ACBD5: variants seen among roughly 807,000 people sequenced by gnomAD.
The protein encoded by ACBD5 is acyl-CoA-binding domain-containing protein 5.
Under a neutral mutation model 71.8 loss-of-function variants are expected in ACBD5, and 40 were observed. The observed-to-expected ratio is 0.56, with a 90% confidence interval of 0.43 to 0.72. ACBD5 has a LOEUF of 0.72. Among genes scored for constraint, ACBD5 ranks in the 30% least tolerant of loss-of-function variants. The pLI, the probability that ACBD5 is intolerant of heterozygous loss-of-function variation, is 0.00. For missense variants in ACBD5, 559 were observed against 644.5 expected (o/e 0.87, Z 1.44); for synonymous variants, 229 against 218.6 (o/e 1.05, Z -0.42).
At position 27,223,367 on chromosome 10, in the gene ACBD5, T is replaced by A. The variant is rs2062607297; in HGVS notation, c.461A>T (p.Lys154Met). The change falls in exon 5 of 13, where the codon AAG (lysine) becomes ATG (methionine). Residue 154 changes from lysine (K) to methionine (M), a missense_variant. Transcript: ENST00000396271. ...GPFYEIVEDKKSGRSSDITSD... is the reference protein window; with the variant it reads ...GPFYEIVEDKMSGRSSDITSD... ...GGTTATATCAGAACTCCTGCCACTC[T>A]TTTTGTCCTCGACAATTTCATAAAA... 6.2e-7 allele frequency: 1 copy of A among 1,613,702 alleles called. No individual in the cohort carries two copies. The highest frequency in any genetic ancestry group is 1.3e-5 in the African/African-American group (1 of 74,938).
chr10:27,210,394 T>A (rs2060937198), intron 9 of ACBD5, among the ~76,000 whole-genome samples: 1 of 152,216 alleles, frequency 6.6e-6, no homozygotes, highest in South Asian at 2.1e-4. Flanking sequence ...TATTGTTGTA[T>A]CTAAAGGAGG....
In ACBD5 at chr10:27,218,082, T is replaced by C. The variant is rs374928340; in HGVS notation, c.727A>G (p.Ile243Val). ...CCATTCAGGGAAGAACTGGCATGAA[T>C]GTCATTCTGTATATCCTGAACAAAG... ...DGFVQDIQND[I>V]HASSSLNGRS... Residue 243 changes from isoleucine (I) to valine (V), a missense_variant, in exon 7 of 13, where the codon ATT (isoleucine) becomes GTT (valine). Ile to Val is a conservative substitution (Grantham distance 29). Transcript: ENST00000396271. The C allele has an allele frequency of 1.5e-5, 24 of 1,614,050 alleles. No homozygotes were observed. Among genetic ancestry groups the C allele is most frequent in the Middle Eastern group, 1.6e-4 (1 of 6,084 alleles).
At chr10:27,186,856 TCTC>T (rs2058789863) in intron 13 of ACBD5, 1 of 338,572 alleles carries the variant, frequency 3.0e-6, no homozygotes, top group South Asian at 3.0e-5. Context: ...TGATTTTCTT[TCTC>T]CTCTGATTTC....
chr10:27,196,476 G>A lies in ACBD5; in HGVS notation c.*954C>T, dbSNP rs923531224. The stretch of plus-strand genomic sequence containing the variant: ...AGGTGTATCTAAAATAGTATACCCC[G>A]AAGGAAAAACTGAGGCACTAAGAGG... On this transcript the variant is annotated 3_prime_UTR_variant, in exon 13 of 13. Coordinates refer to ENST00000396271, the MANE Select transcript of ACBD5 (RefSeq NM_145698.5). 23 of 454,296 alleles carry A rather than the reference G, an allele frequency of 5.1e-5. No homozygotes were observed. The highest frequency in any genetic ancestry group is 8.8e-5 in the Non-Finnish European group (20 of 226,770). The allele number at this position is 454,296 out of a possible 1,614,324, so 28.1% of individuals were successfully genotyped here.
At chr10:27,219,116 A>G (rs984775650) in intron 6 of ACBD5, among the ~76,000 whole-genome samples, 1 of 152,038 alleles carries the variant, frequency 6.6e-6, no homozygotes, top group Non-Finnish European at 1.5e-5. Context: ...AGCCTGGTCA[A>G]CATGGTGACA....
intron 13 of ACBD5, among the ~76,000 whole-genome samples, chr10:27,183,071 C>A (rs7086388): frequency 0.1 from 15,402 of 152,094 alleles, 2,553 homozygotes; most frequent in African/African-American, 0.35. Flanking sequence ...TTTCCCTAAT[C>A]TTGCGAGAGA....
intron 4 of ACBD5, among the ~76,000 whole-genome samples, chr10:27,224,801 CA>C (rs200151347): frequency 0.069 from 10,459 of 152,134 alleles, 688 homozygotes; most frequent in African/African-American, 0.17. Flanking sequence ...GAGGCTGAGG[CA>C]GGAGGATCAC....
intron 11 of ACBD5, 142 bp from the exon 12 acceptor site, chr10:27,204,691 G>T (rs575966310): frequency 1.4e-6 from 1 of 692,154 alleles, no homozygotes; most frequent in African/African-American, 1.8e-5. Flanking sequence ...AAGATATTCT[G>T]CATTTCAGAG....
chr10:27,206,668 A>G (rs1445761748), intron 10 of ACBD5, among the ~76,000 whole-genome samples: 1 of 151,922 alleles, frequency 6.6e-6, no homozygotes, highest in Non-Finnish European at 1.5e-5. Context: ...GGCATGCACC[A>G]CCACGCCCAG....
At chr10:27,215,268 A>G (rs2061501759) in intron 8 of ACBD5, among the ~76,000 whole-genome samples, 1 of 152,196 alleles carries the variant, frequency 6.6e-6, no homozygotes, top group Non-Finnish European at 1.5e-5. Flanking sequence ...CTGCATCCCC[A>G]TCCCACGTCT....
At chr10:27,223,498 T>C (rs778144430) in intron 4 of ACBD5, 46 bp from the exon 5 acceptor site, 6 of 1,372,082 alleles carry the variant, frequency 4.4e-6, no homozygotes, top group Non-Finnish European at 2.1e-6. Flanking sequence ...AACTCTTAAT[T>C]TGATCTCCAC....
intron 12 of ACBD5, among the ~76,000 whole-genome samples, chr10:27,202,279 T>C (rs940898908): frequency 1.3e-5 from 2 of 152,220 alleles, no homozygotes; most frequent in Non-Finnish European, 2.9e-5. Context: ...CTATTACATA[T>C]ATAAGCAAAC....
Position 27,196,958 on chromosome 10 carries a change from C to T in ACBD5, c.*472G>A. On this transcript the variant is annotated 3_prime_UTR_variant, in exon 13 of 13. Transcript: ENST00000396271. ...ACTACATGCCATGGCAACTCCGTGA[C>T]TAAGATATAAAGTCGATTACATCTC... 1 of 454,266 alleles carries T rather than the reference C, an allele frequency of 2.2e-6. No homozygotes were observed. Among genetic ancestry groups the T allele is most frequent in the Non-Finnish European group, 4.4e-6 (1 of 226,800 alleles). 28.1% of individuals were successfully genotyped at this position (454,266 alleles called of 1,614,324 possible).
rs1438164569 is a variant in ACBD5 at position 27,186,655 on chromosome 10, G to A, written c.1494-3940C>T. On this transcript the variant is annotated intron_variant, in intron 13 of 13. Transcript: ENST00000676511. ...ATCATTATTTAACCTAGTTCAATGTGCTTTTAATGTACGTTACAGCTTTCA... is the reference window on the plus strand; with the variant it reads ...ATCATTATTTAACCTAGTTCAATGTACTTTTAATGTACGTTACAGCTTTCA... 3 of 943,300 alleles carry A rather than the reference G, an allele frequency of 3.2e-6. No homozygotes were observed. In the African/African-American group the frequency reaches 4.8e-5, roughly 15 times the overall value. 58.4% of individuals were successfully genotyped at this position (943,300 alleles called of 1,614,324 possible).
chr10:27,228,079 T>G (rs2063317755), intron 4 of ACBD5, among the ~76,000 whole-genome samples: 1 of 152,026 alleles, frequency 6.6e-6, no homozygotes, highest in Non-Finnish European at 1.5e-5. Flanking sequence ...CCCAATCTCT[T>G]AGAAATCCTG....
intron 12 of ACBD5, among the ~76,000 whole-genome samples, chr10:27,203,339 C>T (rs530206931): frequency 8.9e-4 from 136 of 152,174 alleles, no homozygotes; most frequent in African/African-American, 3.2e-3. Context: ...TCAGGTTATT[C>T]CTAACATGGA....
chr10:27,240,219 AG>A lies in ACBD5; in HGVS notation c.181+99del. 6.3e-7 allele frequency: 1 copy of A among 1,594,892 alleles called. No homozygotes were observed. Among genetic ancestry groups the A allele is most frequent in the Non-Finnish European group, 8.5e-7 (1 of 1,170,148 alleles). Reference sequence around the variant, plus strand: ...CCCTTCCACTACATGGCTCCTACACAGAAAAAAAGGCTAAATAAACAACACT... The same window carrying A: ...CCCTTCCACTACATGGCTCCTACACAAAAAAAAGGCTAAATAAACAACACT... On this transcript the variant is annotated intron_variant, in intron 2 of 12. Coordinates refer to ENST00000396271, the MANE Select transcript of ACBD5 (RefSeq NM_145698.5). This position sits in a 1 kb window ranked among gnomAD's most constrained non-coding sequence, Gnocchi z 4.1.
intron 13 of ACBD5, chr10:27,186,303 T>C: frequency 4.3e-6 from 6 of 1,404,376 alleles, no homozygotes; most frequent in South Asian, 3.5e-5. Flanking sequence ...GACATTCTCT[T>C]TTTATAATAA....
rs2065055921 is a variant in ACBD5, at chr10:27,238,550, T to C, written c.181+1769A>G. Among the ~76,000 whole-genome samples, 4 of 152,090 alleles carry C rather than the reference T, an allele frequency of 2.6e-5. No individual in the cohort carries two copies. In the South Asian group the frequency reaches 6.2e-4, roughly 24 times the overall value. The stretch of plus-strand genomic sequence containing the variant: ...AATCAATACCTAAATAAGTTCATGC[T>C]TTTTTTTATATTTTATTTGTTCTTT... On this transcript the variant is annotated intron_variant, in intron 2 of 12. Transcript: ENST00000396271.
Sources: gnomAD v4.1 joint callset for allele counts (sites outside exome capture counted in the v4.1 genomes callset) on GRCh38, gnomAD v4.1.1 for gene constraint, Gnocchi (gnomAD v3.1) non-coding constraint, MANE v1.5 for transcripts, NCBI Gene and HGNC (gene_info 2026-07-23, HGNC 2026-07-21) for gene names.